STPG2: variants seen among roughly 807,000 people sequenced by gnomAD.
The protein encoded by STPG2 is sperm tail PG-rich repeat containing 2.
Under a neutral mutation model 54.2 loss-of-function variants are expected in STPG2, and 56 were observed. The observed-to-expected ratio is 1.03, with a 90% CI of 0.83 to 1.29. The LOEUF is 1.29. Among genes scored for constraint, STPG2 ranks in the 50% most tolerant of loss-of-function variants. The pLI, the probability that STPG2 is intolerant of heterozygous loss-of-function variation, is 0.00. For missense variants in STPG2, 596 were observed against 544.9 expected (o/e 1.09, Z -0.93); for synonymous variants, 200 against 181.8 (o/e 1.10, Z -0.81).
chr4:98,001,253 A>C (rs1184235123), intron 5 of STPG2, among the ~76,000 whole-genome samples: 2 of 151,784 alleles, frequency 1.3e-5, no homozygotes, highest in Non-Finnish European at 2.9e-5. Flanking sequence ...TGTACTCAAA[A>C]TTTTTTCACC....
chr4:97,792,311 G>A (rs906802567), intron 9 of STPG2, among the ~76,000 whole-genome samples: 2 of 152,088 alleles, frequency 1.3e-5, no homozygotes, highest in Non-Finnish European at 2.9e-5. Context: ...CTCTATCTCA[G>A]ATAATGGCAA....
intron 9 of STPG2, among the ~76,000 whole-genome samples, chr4:97,838,240 G>C (rs574116957): frequency 6.6e-6 from 1 of 151,392 alleles, no homozygotes; most frequent in Non-Finnish European, 1.5e-5. Context: ...ATAGGGTAAA[G>C]AAACTTCTTT....
At chr4:97,728,914 T>A (rs1050388579) in intron 9 of STPG2, among the ~76,000 whole-genome samples, 9 of 151,538 alleles carry the variant, frequency 5.9e-5, no homozygotes, top group African/African-American at 1.5e-4. Flanking sequence ...TGTGTGTGTG[T>A]GAGAGAAAGA....
At chr4:97,613,856 T>C (rs566419848) in intron 10 of STPG2, among the ~76,000 whole-genome samples, 2 of 152,062 alleles carry the variant, frequency 1.3e-5, no homozygotes, top group Non-Finnish European at 1.5e-5. Flanking sequence ...TCTAGATTCA[T>C]GTTGTATTGC....
At chr4:98,022,956 G>T (rs1398173609) in intron 5 of STPG2, among the ~76,000 whole-genome samples, 2 of 152,066 alleles carry the variant, frequency 1.3e-5, no homozygotes, top group African/African-American at 2.4e-5. Flanking sequence ...TTTGCCATTG[G>T]TTTGAATTTC....
At chr4:98,019,493 G>A (rs1014988932) in intron 5 of STPG2, among the ~76,000 whole-genome samples, 18 of 151,800 alleles carry the variant, frequency 1.2e-4, no homozygotes, top group Non-Finnish European at 2.1e-4. Context: ...TTGACTTGGC[G>A]ATGCGGGCTC....
chr4:97,792,332 C>A (rs1487876240), intron 9 of STPG2, among the ~76,000 whole-genome samples: 1 of 152,142 alleles, frequency 6.6e-6, no homozygotes. Flanking sequence ...ATCTCCCCTG[C>A]TAGGGAGACA....
At chr4:97,907,933 C>A (rs1254162253) in intron 8 of STPG2, among the ~76,000 whole-genome samples, 5 of 152,194 alleles carry the variant, frequency 3.3e-5, no homozygotes, top group African/African-American at 9.7e-5. Context: ...AAACCTAGGC[C>A]TGACCATTCA....
chr4:98,059,126 G>A (rs1177383831), intron 5 of STPG2, among the ~76,000 whole-genome samples: 1 of 151,690 alleles, frequency 6.6e-6, no homozygotes, highest in Admixed American at 6.6e-5. Context: ...AAATAGAGAG[G>A]ATCCAAATAA....
intron 9 of STPG2, among the ~76,000 whole-genome samples, chr4:97,753,104 C>A (rs1195993043): frequency 6.6e-6 from 1 of 151,758 alleles, no homozygotes; most frequent in African/African-American, 2.4e-5. Flanking sequence ...TAATTTTAAC[C>A]ATTTGTAAAT....
At position 97,591,921 on chromosome 4, in the gene STPG2, C is replaced by T. The variant is rs986412224; in HGVS notation, c.1321-32804G>A. Among the ~76,000 whole-genome samples, 4 of 152,130 alleles carry T rather than the reference C, an allele frequency of 2.6e-5. No homozygotes were observed. The South Asian group carries it at 8.3e-4, about 31-fold the overall frequency. On this transcript the variant is annotated intron_variant, in intron 10 of 10. Coordinates refer to ENST00000295268, the MANE Select transcript of STPG2 (RefSeq NM_174952.3). ...ATGTTCTTTTTATGAATTCCCTGTA[C>T]ATAGTATATCTTTGAAAAATTTAGA...
chr4:97,481,809 C>T lies in STPG2; in HGVS notation c.462+230890G>A, dbSNP rs191008065. Among the ~76,000 whole-genome samples the T allele has an allele frequency of 1.8e-3, 276 of 151,616 alleles. 1 individual carries two copies. The highest frequency in any genetic ancestry group is 6.3e-3 in the African/African-American group (263 of 41,488). On this transcript the variant is annotated intron_variant, in intron 4 of 4. Coordinates refer to the STPG2 transcript ENST00000522676. The stretch of plus-strand genomic sequence containing the variant: ...CTGTGAAAAAAAGACAGTTTTACTA[C>T]TTCTTTTCCAATCAGTATGCTTATA...
intron 3 of STPG2, among the ~76,000 whole-genome samples, chr4:98,117,844 T>G (rs1338516051): frequency 6.6e-6 from 1 of 152,120 alleles, no homozygotes; most frequent in Non-Finnish European, 1.5e-5. Flanking sequence ...TTCCATTTAG[T>G]TCTTCAGACA....
chr4:97,948,108 GC>G (rs1055126069), intron 7 of STPG2, among the ~76,000 whole-genome samples: 2 of 151,822 alleles, frequency 1.3e-5, no homozygotes. Context: ...GGTCTGGGTT[GC>G]TATTTCTTCC....
chr4:97,799,378 G>T (rs1361662914), intron 9 of STPG2, among the ~76,000 whole-genome samples: 1 of 152,124 alleles, frequency 6.6e-6, no homozygotes, highest in African/African-American at 2.4e-5. Flanking sequence ...GACAGGCCTG[G>T]TGGTGACAAA....
intron 10 of STPG2, among the ~76,000 whole-genome samples, chr4:97,646,630 C>T (rs1179008846): frequency 6.6e-6 from 1 of 152,020 alleles, no homozygotes; most frequent in South Asian, 2.1e-4. Context: ...AGCTTTGATG[C>T]TTTATGTGAA....
rs1739123506 is a variant in STPG2, at chr4:98,104,102, C to T, written c.612+1851G>A. Among the ~76,000 whole-genome samples the T allele has an allele frequency of 2.0e-5, 3 of 152,250 alleles. No homozygotes were observed. The South Asian group carries it at 6.2e-4, about 32-fold the overall frequency. On this transcript the variant is annotated intron_variant, in intron 5 of 10. Transcript: ENST00000295268. ...ACTTTTAAATCATCCCTGCCTTTTC[C>T]TACTTGCTTGCCTATACAAACACAT...
chr4:98,082,598 C>G (rs1738382201), intron 5 of STPG2, among the ~76,000 whole-genome samples: 1 of 150,566 alleles, frequency 6.6e-6, no homozygotes, highest in South Asian at 2.1e-4. Flanking sequence ...ACTACAGGCG[C>G]CCGCCACTAC....
At chr4:97,614,710 C>T (rs1733816035) in intron 10 of STPG2, among the ~76,000 whole-genome samples, 1 of 152,110 alleles carries the variant, frequency 6.6e-6, no homozygotes, top group African/African-American at 2.4e-5. Flanking sequence ...TCTCCTGTTA[C>T]AATTATTCAA....
Sources: allele counts gnomAD v4.1 joint callset (sites outside exome capture counted in the v4.1 genomes callset), GRCh38; gene constraint gnomAD v4.1.1; transcripts MANE v1.5; gene names NCBI Gene and HGNC (gene_info 2026-07-23, HGNC 2026-07-21).